GRM7: variants seen among roughly 807,000 people sequenced by gnomAD.
The protein encoded by GRM7 is glutamate metabotropic receptor 7.
GRM7 carries 35 observed loss-of-function variants against 84.5 expected under a neutral mutation model. The observed-to-expected ratio is 0.41, with a 90% CI of 0.32 to 0.55. The LOEUF is 0.55. GRM7 is among the 20% of genes least tolerant of loss of function. GRM7 has a pLI of 0.19. For missense variants in GRM7, 1,003 were observed against 1,194.6 expected, an observed-to-expected ratio of 0.84 and a Z score of 2.36; for synonymous variants, 487 against 455.1, an observed-to-expected ratio of 1.07 and a Z score of -0.89.
intron 6 of GRM7, among the ~76,000 whole-genome samples, chr3:7,460,504 T>C (rs1433696385): frequency 6.6e-6 from 1 of 152,132 alleles, no homozygotes; most frequent in Non-Finnish European, 1.5e-5. Flanking sequence ...GCTGAATCTG[T>C]GTGTGGCCAA....
At chr3:7,519,339 T>C (rs1575443825) in intron 7 of GRM7, among the ~76,000 whole-genome samples, 1 of 151,528 alleles carries the variant, frequency 6.6e-6, no homozygotes, top group Non-Finnish European at 1.5e-5. Context: ...TCCAGGCTGG[T>C]TGACAAAGAG....
chr3:7,473,326 A>G (rs981075577), intron 7 of GRM7, among the ~76,000 whole-genome samples: 1 of 152,098 alleles, frequency 6.6e-6, no homozygotes, highest in Admixed American at 6.6e-5. Context: ...AAAAATAAAA[A>G]TATGGATGGG....
chr3:7,156,341 CA>C (rs1403341021), intron 2 of GRM7, among the ~76,000 whole-genome samples: 1 of 152,134 alleles, frequency 6.6e-6, no homozygotes, highest in African/African-American at 2.4e-5. Context: ...TGTTATTGAA[CA>C]AAAAGTTTCC....
intron 2 of GRM7, among the ~76,000 whole-genome samples, chr3:7,287,053 A>G (rs1699455726): frequency 6.6e-6 from 1 of 152,080 alleles, no homozygotes; most frequent in Non-Finnish European, 1.5e-5. Flanking sequence ...GGACAGAAAA[A>G]TTGCTCCCCT....
chr3:7,312,271 A>C (rs1041567578), intron 4 of GRM7, among the ~76,000 whole-genome samples: 48 of 152,116 alleles, frequency 3.2e-4, no homozygotes, highest in African/African-American at 1.0e-3. Flanking sequence ...TCTTGGCAGC[A>C]ATGCAAAGGA....
intron 6 of GRM7, among the ~76,000 whole-genome samples, chr3:7,457,653 C>T (rs1018491540): frequency 3.3e-5 from 5 of 152,044 alleles, no homozygotes; most frequent in South Asian, 4.1e-4. Context: ...TTTATTTTTC[C>T]TCCCTTTGAG....
intron 2 of GRM7, 88 bp from the exon 3 acceptor site, chr3:7,298,596 T>A: frequency 9.1e-7 from 1 of 1,101,430 alleles, no homozygotes; most frequent in South Asian, 1.4e-5. Flanking sequence ...TATCCGGGAT[T>A]CAGAATCTCC....
chr3:6,996,334 C>A (rs984912896), intron 1 of GRM7, among the ~76,000 whole-genome samples: 1 of 152,164 alleles, frequency 6.6e-6, no homozygotes, highest in Non-Finnish European at 1.5e-5. Context: ...TGACATGAGC[C>A]ACCATGCCTG....
At chr3:7,063,315 T>C (rs1401618033) in intron 1 of GRM7, among the ~76,000 whole-genome samples, 1 of 151,652 alleles carries the variant, frequency 6.6e-6, no homozygotes, top group Non-Finnish European at 1.5e-5. Flanking sequence ...ATTCATTCAT[T>C]TTCACTCTGT....
In GRM7 at chr3:7,181,838, T is replaced by A. The variant is rs149962212; in HGVS notation, c.736+35170T>A. Among the ~76,000 whole-genome samples, 595 of 152,234 alleles carry A rather than the reference T, an allele frequency of 3.9e-3. 2 individuals carry two copies. The highest frequency in any genetic ancestry group is 0.013 in the African/African-American group (551 of 41,536). On this transcript the variant is annotated intron_variant, in intron 2 of 9. Transcript: ENST00000357716. ...GTTGGCCAGGCTGGTCTCAAACTTT[T>A]GAGCTCAAGCGATCCTCCCTCCTTG...
chr3:7,550,375 C>T (rs1169604458), intron 7 of GRM7, among the ~76,000 whole-genome samples: 2 of 144,686 alleles, frequency 1.4e-5, no homozygotes, highest in African/African-American at 5.1e-5. Flanking sequence ...CTTCCTTTCT[C>T]TCTCTTCCTT....
rs1553630296 is a variant in GRM7, at chr3:7,644,120, T to TTGGTGTG, written c.2452-35927_2452-35926insGTGTGTG. On this transcript the variant is annotated intron_variant, in intron 8 of 9. Coordinates refer to ENST00000357716, the MANE Select transcript of GRM7 (RefSeq NM_000844.4). ...TGCAATTTTTAAAACACTGTGCATG[T>TTGGTGTG]TGTGTGTGTGTGTGTGTATATATAT... Among the ~76,000 whole-genome samples the TTGGTGTG allele has an allele frequency of 3.3e-5, 4 of 119,956 alleles. No homozygotes were observed. The East Asian group carries it at 6.7e-4, about 20-fold the overall frequency. The allele number at this position is 119,956 out of a possible 152,430, so 78.7% of individuals were successfully genotyped here.
intron 1 of GRM7, among the ~76,000 whole-genome samples, chr3:6,898,119 G>A (rs922653088): frequency 2.6e-5 from 4 of 152,174 alleles, no homozygotes; most frequent in South Asian, 2.1e-4. Context: ...GACATCCAGG[G>A]CACAGAGCTG....
chr3:7,556,698 A>G (rs571818848), intron 7 of GRM7, among the ~76,000 whole-genome samples: 47 of 152,320 alleles, frequency 3.1e-4, no homozygotes, highest in African/African-American at 1.1e-3. Flanking sequence ...TCTCATGTAC[A>G]GTATGAAACT....
rs757317002 is a variant in GRM7, at chr3:7,225,152, CTT to C, written c.737-73529_737-73528del. On this transcript the variant is annotated intron_variant, in intron 2 of 9. Coordinates refer to ENST00000357716, the MANE Select transcript of GRM7 (RefSeq NM_000844.4). ...ATGTCTTACTTTTAATATCTCCTGA[CTT>C]TTAAAAATTCATATCTATTCCTAGA... 1.1e-4 allele frequency among the ~76,000 whole-genome samples: 17 copies of C among 152,012 alleles called. No individual in the cohort carries two copies. In the Middle Eastern group the frequency reaches 0.01, roughly 92 times the overall value.
intron 2 of GRM7, among the ~76,000 whole-genome samples, chr3:7,208,198 A>T (rs1287722373): frequency 6.6e-6 from 1 of 152,082 alleles, no homozygotes; most frequent in East Asian, 1.9e-4. Flanking sequence ...TCATTCATTC[A>T]CTCATTTATT....
chr3:7,486,727 TA>T lies in GRM7; in HGVS notation c.1515+25009del, dbSNP rs1553605348. 6.6e-6 allele frequency among the ~76,000 whole-genome samples: 1 copy of T among 152,156 alleles called. No homozygotes were observed. On this transcript the variant is annotated intron_variant, in intron 7 of 9. Coordinates refer to ENST00000357716, the MANE Select transcript of GRM7 (RefSeq NM_000844.4). The surrounding 1 kb of genome is among the most constrained non-coding windows in gnomAD (Gnocchi z 5.5). ...TGATGAGACAAATAAGGCTGTTTTT[TA>T]AAATAATTTATGCAGCCTCAGGTAT...
chr3:6,968,597 T>G (rs503616), intron 1 of GRM7, among the ~76,000 whole-genome samples: 131,240 of 151,810 alleles, frequency 0.86, 56,852 homozygotes, highest in East Asian at 1. Flanking sequence ...ATATTTGCTG[T>G]GTATCAGGAT....
chr3:7,022,023 C>T (rs1458947356), intron 1 of GRM7, among the ~76,000 whole-genome samples: 2 of 151,992 alleles, frequency 1.3e-5, no homozygotes, highest in African/African-American at 4.8e-5. Context: ...ATAAAATAGA[C>T]ATACAAAAAT....
Sources: allele counts gnomAD v4.1 joint callset (sites outside exome capture counted in the v4.1 genomes callset), GRCh38; gene constraint gnomAD v4.1.1; non-coding constraint Gnocchi (gnomAD v3.1); transcripts MANE v1.5; gene names NCBI Gene and HGNC (gene_info 2026-07-23, HGNC 2026-07-21).